Variants in RGS6 observed in about 807,000 individuals in gnomAD.
The protein encoded by RGS6 is regulator of G-protein signaling 6.
RGS6 carries 30 observed loss-of-function variants against 78.5 expected under a neutral mutation model. The observed-to-expected ratio is 0.38, with a 90% CI of 0.29 to 0.52. The LOEUF is 0.52. Among genes scored for constraint, RGS6 ranks in the 20% least tolerant of loss-of-function variants. The pLI is 0.85. For missense variants in RGS6, 495 were observed against 609.7 expected (o/e 0.81, Z 1.98); for synonymous variants, 206 against 206.0 (o/e 1.00, Z 0.00).
intron 2 of RGS6, among the ~76,000 whole-genome samples, chr14:72,045,368 T>C (rs79672380): frequency 0.14 from 21,237 of 152,196 alleles, 1,828 homozygotes; most frequent in South Asian, 0.2. Context: ...TAAGGTTTTA[T>C]GTTAATCTAG....
At chr14:72,509,749 G>A (rs1481716211) in intron 13 of RGS6, among the ~76,000 whole-genome samples, 1 of 152,222 alleles carries the variant, frequency 6.6e-6, no homozygotes, top group Non-Finnish European at 1.5e-5. Context: ...GATTGAGGAA[G>A]GGGTGGGAGG....
intron 2 of RGS6, among the ~76,000 whole-genome samples, chr14:72,045,022 A>C (rs2092724265): frequency 6.6e-6 from 1 of 152,186 alleles, no homozygotes; most frequent in Non-Finnish European, 1.5e-5. Flanking sequence ...TCTGATTCTC[A>C]GGCTTTTGAG....
chr14:71,963,434 TCA>T (rs2093333462), intron 1 of RGS6, among the ~76,000 whole-genome samples: 1 of 152,232 alleles, frequency 6.6e-6, no homozygotes, highest in South Asian at 2.1e-4. Context: ...TTTCATGCTT[TCA>T]CAGTGTTCTA....
chr14:72,212,159 AC>A (rs1390905637), intron 2 of RGS6, among the ~76,000 whole-genome samples: 12 of 152,120 alleles, frequency 7.9e-5, no homozygotes, highest in Non-Finnish European at 2.9e-5. Context: ...GACCGGCAGT[AC>A]CCTCCAGACT....
At chr14:72,474,556 G>A in intron 9 of RGS6, 69 bp from the exon 10 acceptor site, 1 of 1,403,616 alleles carries the variant, frequency 7.1e-7, no homozygotes, top group Non-Finnish European at 9.9e-7. Flanking sequence ...TCCTGATGGT[G>A]TGACATGGGC....
intron 2 of RGS6, among the ~76,000 whole-genome samples, chr14:72,322,708 T>C (rs973368450): frequency 9.9e-5 from 15 of 152,094 alleles, no homozygotes; most frequent in African/African-American, 3.4e-4. Context: ...TCAAATGGGA[T>C]TTAGTCTTAA....
chr14:72,445,177 T>A (rs4903021), intron 3 of RGS6, among the ~76,000 whole-genome samples: 34,684 of 152,210 alleles, frequency 0.23, 5,016 homozygotes, highest in East Asian at 0.56. Flanking sequence ...TTGTTGAGAT[T>A]TCTCTGTTTT....
At chr14:72,572,696 G>A in the RGS6 span, among the ~76,000 whole-genome samples, 15 of 152,308 alleles carry the variant, frequency 9.8e-5, no homozygotes, top group East Asian at 2.7e-3. Flanking sequence ...TTTCTTTGAG[G>A]AGTGATGAAA....
In RGS6 at chr14:71,966,249, T is replaced by C. The variant is rs115355009; in HGVS notation, c.84+1374T>C. Among the ~76,000 whole-genome samples the C allele has an allele frequency of 3.1e-3, 465 of 152,332 alleles. 2 individuals are homozygous for C. Among genetic ancestry groups the C allele is most frequent in the African/African-American group, 9.3e-3 (385 of 41,580 alleles). On this transcript the variant is annotated intron_variant, in intron 2 of 17. Coordinates refer to ENST00000553525, the MANE Select transcript of RGS6 (RefSeq NM_001204424.2). ...ATATGGGCAATGTGGAACTAGATAT[T>C]CCTGGATGATCAATATGGTGAATTT...
chr14:71,901,781 A>C, the RGS6 span, among the ~76,000 whole-genome samples: 2,106 of 152,232 alleles, frequency 0.014, 20 homozygotes, highest in Non-Finnish European at 0.023. Flanking sequence ...TTGCTAATAG[A>C]AATCTAATTT....
chr14:72,578,596 C>T, the RGS6 span, among the ~76,000 whole-genome samples: 2 of 152,138 alleles, frequency 1.3e-5, no homozygotes, highest in Non-Finnish European at 1.5e-5. Context: ...AATTGAGCAC[C>T]GATGATGTGT....
At chr14:72,038,132 G>A (rs1339056336) in intron 2 of RGS6, among the ~76,000 whole-genome samples, 1 of 151,998 alleles carries the variant, frequency 6.6e-6, no homozygotes, top group African/African-American at 2.4e-5. Context: ...ACCATGCCTG[G>A]CTAATTTTTG....
chr14:72,335,969 C>T (rs773161208), intron 2 of RGS6, among the ~76,000 whole-genome samples: 12 of 152,288 alleles, frequency 7.9e-5, no homozygotes, highest in Non-Finnish European at 1.5e-4. Flanking sequence ...GAAGGGAACT[C>T]GGTATTCCTC....
rs1303702411 is a variant in RGS6, at chr14:72,152,213, C to T, written c.84+187338C>T. Among the ~76,000 whole-genome samples, 9 of 148,570 alleles carry T rather than the reference C, an allele frequency of 6.1e-5. No individual in the cohort carries two copies. The Admixed American group carries it at 6.1e-4, about 10-fold the overall frequency. On this transcript the variant is annotated intron_variant, in intron 2 of 17. Coordinates refer to ENST00000553525, the MANE Select transcript of RGS6 (RefSeq NM_001204424.2). Reference sequence around the variant, plus strand: ...TAGTGTTCTTCAGATATTTCAAGGGCAGCTGCATGAGAGAGAGAGAGAGAG... The same window carrying T: ...TAGTGTTCTTCAGATATTTCAAGGGTAGCTGCATGAGAGAGAGAGAGAGAG...
the RGS6 span, among the ~76,000 whole-genome samples, chr14:72,613,042 G>A: frequency 8.6e-5 from 13 of 151,278 alleles, no homozygotes; most frequent in Middle Eastern, 3.4e-3. Context: ...ATGTGCGTGC[G>A]TGCACGCACG....
intron 2 of RGS6, among the ~76,000 whole-genome samples, chr14:72,248,838 G>C (rs78590577): frequency 0.019 from 2,862 of 152,262 alleles, 85 homozygotes; most frequent in African/African-American, 0.066. Context: ...TTAACCTACA[G>C]GTTGAGAGTT....
chr14:72,127,939 T>C (rs925799404), intron 2 of RGS6, among the ~76,000 whole-genome samples: 2 of 49,834 alleles, frequency 4.0e-5, no homozygotes, highest in East Asian at 7.5e-4. Context: ...CCTTTGAGAT[T>C]TTTTTTTCCC....
the RGS6 span, among the ~76,000 whole-genome samples, chr14:71,915,212 G>A: frequency 3.3e-5 from 5 of 151,706 alleles, no homozygotes; most frequent in African/African-American, 9.7e-5. Context: ...AGGCGAGATC[G>A]TGCCGCTGCA....
At chr14:72,425,542 A>G (rs940780189) in intron 3 of RGS6, among the ~76,000 whole-genome samples, 1 of 152,248 alleles carries the variant, frequency 6.6e-6, no homozygotes, top group African/African-American at 2.4e-5. Context: ...CCCAAATAGA[A>G]TAAATACCGA....
Sources: gnomAD v4.1 joint callset for allele counts (sites outside exome capture counted in the v4.1 genomes callset) on GRCh38, gnomAD v4.1.1 for gene constraint, MANE v1.5 for transcripts, NCBI Gene and HGNC (gene_info 2026-07-23, HGNC 2026-07-21) for gene names.